SBNO2: variants seen among roughly 807,000 people sequenced by gnomAD.
SBNO2 encodes the protein strawberry notch homolog 2, also known as protein strawberry notch homolog 2.
In SBNO2, 89 loss-of-function variants were observed where a neutral mutation model predicts 146.3. The ratio of observed to expected loss-of-function variants is 0.61; its 90% CI spans 0.51 to 0.73. SBNO2 has a LOEUF of 0.73. Ranked by LOEUF, SBNO2 falls within the 30% of genes least tolerant of loss-of-function variation. The pLI is 0.00. For synonymous variants in SBNO2, 1,147 were observed against 892.6 expected (o/e 1.29, Z -5.08); for missense variants, 2,092 against 2,003.7 (o/e 1.04, Z -0.84).
rs1180192334 is a variant in SBNO2, at chr19:1,167,018, A to C, written c.-127+7154T>G. On this transcript the variant is annotated intron_variant, in intron 1 of 31. Transcript: ENST00000361757. ...GTCCAGCCTTGGTGACAAAAATGTC[A>C]CAAGGACCTGCATCCGAGCCCTGAG... Among the ~76,000 whole-genome samples, 5 of 152,354 alleles carry C rather than the reference A, an allele frequency of 3.3e-5. No homozygotes were observed. The South Asian group carries it at 8.3e-4, about 25-fold the overall frequency.
rs2079750087 is a variant in SBNO2 at position 1,110,903 on chromosome 19, A to C, written c.2885-15T>G. 2.5e-6 allele frequency: 4 copies of C among 1,612,496 alleles called. No individual in the cohort carries two copies. Among genetic ancestry groups the C allele is most frequent in the South Asian group, 1.1e-5 (1 of 91,082 alleles). ...GATGGAACAGTCTGGTAGGGGAGGG[A>C]GCCAAGCCTCAGGCTGCGCTGGGAA... On this transcript the variant is annotated splice_polypyrimidine_tract_variant and intron_variant, in intron 25 of 31. Transcript: ENST00000361757. The surrounding 1 kb of genome is among the most constrained non-coding windows in gnomAD (Gnocchi z 4.9).
intron 1 of SBNO2, among the ~76,000 whole-genome samples, chr19:1,171,843 T>C (rs1056246387): frequency 2.0e-5 from 3 of 152,162 alleles, no homozygotes; most frequent in Non-Finnish European, 2.9e-5. Flanking sequence ...TGACTGCCCA[T>C]GGTCACGCGG....
rs1051565074 is a variant in SBNO2, at chr19:1,140,573, G to T, written c.279+6736C>A. 6.6e-6 allele frequency among the ~76,000 whole-genome samples: 1 copy of T among 152,044 alleles called. No individual in the cohort carries two copies. The highest frequency in any genetic ancestry group is 1.5e-5 in the Non-Finnish European group (1 of 67,950). On this transcript the variant is annotated intron_variant, in intron 4 of 31. Coordinates refer to ENST00000361757, the MANE Select transcript of SBNO2 (RefSeq NM_014963.3). The surrounding 1 kb of genome is among the most constrained non-coding windows in gnomAD (Gnocchi z 4.4). ...GCAGCCCACGGTGGATGCCAGCAGC[G>T]GCATCCTGGCGCAGCGTGAGCCCCA...
Position 1,109,670 on chromosome 19 carries a change from G to A in SBNO2, c.3123+13C>T, listed in dbSNP as rs775188520. ...TGGGCAGAGTGTGAGGGGCTGTGGG[G>A]CTTCCTGCTGACCTTGTAGAAGACC... On this transcript the variant is annotated intron_variant, in intron 27 of 31. Transcript: ENST00000361757. This position sits in a 1 kb window ranked among gnomAD's most constrained non-coding sequence, Gnocchi z 4.2. The A allele has an allele frequency of 6.8e-6, 11 of 1,607,138 alleles. No individual in the cohort carries two copies. In the East Asian group the frequency reaches 2.5e-4, roughly 36 times the overall value.
intron 1 of SBNO2, 40 bp from the exon 2 acceptor site, chr19:1,154,442 G>A (rs1174710519): frequency 7.7e-6 from 3 of 391,882 alleles, no homozygotes; most frequent in Non-Finnish European, 1.3e-5. Flanking sequence ...GTCCAACGGT[G>A]GTGGAGAGTG....
In SBNO2 at chr19:1,123,948, G is replaced by A. The variant is rs774510551; in HGVS notation, c.516C>T (p.Ser172=). The change falls in exon 6 of 32, where the codon AGC becomes AGT. Residue 172 remains serine, a synonymous_variant. Coordinates refer to ENST00000361757, the MANE Select transcript of SBNO2 (RefSeq NM_014963.3). ...LPSHSTPLLV[S]YQEQSVQSQP... ...TCGGCTGGGCCCAGCTCACCTGGTA[G>A]CTGACGAGAAGCGGGGTGCTGTGGG... 2.5e-6 allele frequency: 4 copies of A among 1,611,346 alleles called. No individual in the cohort carries two copies. The African/African-American group carries it at 5.3e-5, about 22-fold the overall frequency.
At chr19:1,131,586 C>G (rs1490497689) in intron 4 of SBNO2, among the ~76,000 whole-genome samples, 1 of 152,204 alleles carries the variant, frequency 6.6e-6, no homozygotes, top group Non-Finnish European at 1.5e-5. Flanking sequence ...CACAGAGCCA[C>G]AGGGATTTGC....
At chr19:1,164,532 G>A (rs1384162936) in intron 1 of SBNO2, among the ~76,000 whole-genome samples, 1 of 130,850 alleles carries the variant, frequency 7.6e-6, no homozygotes, top group Non-Finnish European at 1.7e-5. Context: ...AACAGGAGGA[G>A]GAGGAGGAGG....
chr19:1,115,754 G>A (rs768062054), intron 17 of SBNO2: 20 of 555,392 alleles, frequency 3.6e-5, no homozygotes, highest in Non-Finnish European at 5.5e-5. Context: ...CAGCACCCGC[G>A]TCCGTGTCCC....
chr19:1,154,196 C>A lies in SBNO2; in HGVS notation c.81G>T (p.Pro27=). 1 of 1,245,140 alleles carries A rather than the reference C, an allele frequency of 8.0e-7. No homozygotes were observed. 77.1% of individuals were successfully genotyped at this position (1,245,140 alleles called of 1,614,324 possible). Residue 27 remains proline, a synonymous_variant, in exon 2 of 32, where the codon CCG becomes CCT. Transcript: ENST00000361757. The stretch of plus-strand genomic sequence containing the variant: ...GGGTGGGGCTCACCTGCAGGGGCGG[C>A]GGGCTGTACAGGAGGCTGCCCGCCG... ...PPPAGSLLYS[P]PPLQSAMLHC...
At chr19:1,162,066 C>T in intron 1 of SBNO2, among the ~76,000 whole-genome samples, 1 of 150,684 alleles carries the variant, frequency 6.6e-6, no homozygotes, top group Non-Finnish European at 1.5e-5. Flanking sequence ...GGCCCCGAGG[C>T]TGTGGGGCTC....
intron 1 of SBNO2, among the ~76,000 whole-genome samples, chr19:1,164,632 G>A (rs951466478): frequency 7.3e-6 from 1 of 136,106 alleles, no homozygotes; most frequent in African/African-American, 2.8e-5. Context: ...AACAGGAGGA[G>A]GAGGAGGAGG....
At position 1,111,866 on chromosome 19, in the gene SBNO2, G is replaced by A. The variant is rs896337883; in HGVS notation, c.2700+130C>T. Reference sequence around the variant, plus strand: ...CTTCCCCCCTGGGGGTCCTAGACCCGGCCCTCCTCCAGACCACTGAGCCCC... The same window carrying A: ...CTTCCCCCCTGGGGGTCCTAGACCCAGCCCTCCTCCAGACCACTGAGCCCC... On this transcript the variant is annotated intron_variant, in intron 23 of 31. Coordinates refer to ENST00000361757, the MANE Select transcript of SBNO2 (RefSeq NM_014963.3). The A allele has an allele frequency of 2.8e-5, 25 of 902,526 alleles. No individual in the cohort carries two copies. The African/African-American group carries it at 3.1e-4, about 11-fold the overall frequency. 55.9% of individuals were successfully genotyped at this position (902,526 alleles called of 1,614,324 possible).
chr19:1,111,617 A>C lies in SBNO2; in HGVS notation c.2701-3T>G, dbSNP rs2079761115. On this transcript the variant is annotated splice_region_variant and splice_polypyrimidine_tract_variant and intron_variant, in intron 23 of 31. Transcript: ENST00000361757. ...CAGTGCAGGGCCCGGGTGCCATACT[A>C]GGGGGAGAAGGTGACTCGGGGAGGA... The C allele has an allele frequency of 6.4e-7, 1 of 1,573,976 alleles. No homozygotes were observed.
chr19:1,113,981 C>T (rs2079800336), intron 18 of SBNO2, among the ~76,000 whole-genome samples: 2 of 152,238 alleles, frequency 1.3e-5, no homozygotes, highest in Admixed American at 6.5e-5. Context: ...CAAGCCCCAG[C>T]TCTGCCTCTG....
chr19:1,131,907 T>C (rs1268462858), intron 4 of SBNO2, among the ~76,000 whole-genome samples: 2 of 152,194 alleles, frequency 1.3e-5, no homozygotes, highest in Non-Finnish European at 2.9e-5. Flanking sequence ...TTCCGGCAGA[T>C]TCCCTCTCAC....
At position 1,108,965 on chromosome 19, in the gene SBNO2, G is replaced by T; in HGVS notation, c.3430C>A (p.Arg1144=). The T allele has an allele frequency of 6.5e-7, 1 of 1,531,112 alleles. No homozygotes were observed. Among genetic ancestry groups the T allele is most frequent in the East Asian group, 2.4e-5 (1 of 41,444 alleles). 94.8% of individuals were successfully genotyped at this position (1,531,112 alleles called of 1,614,324 possible). The part of the protein sequence containing the change: ...LTHCSHSAWN[R]HCRLAQEGKD... ...CCCTCCTGCGCCAGCCGGCAGTGCC[G>T]GTTCCTGCGGACGAGACGGGTCGTC... Residue 1144 remains arginine (R), a synonymous_variant, in exon 31 of 32, where the codon CGG becomes AGG. Transcript: ENST00000361757.
At chr19:1,120,657 C>T (rs1168837965) in intron 11 of SBNO2, among the ~76,000 whole-genome samples, 3 of 152,020 alleles carry the variant, frequency 2.0e-5, no homozygotes, top group African/African-American at 4.8e-5. Flanking sequence ...AGGTGTGAGC[C>T]GTGCCCAGCC....
chr19:1,120,605 A>C (rs868799065), intron 11 of SBNO2, among the ~76,000 whole-genome samples: 2 of 152,078 alleles, frequency 1.3e-5, no homozygotes, highest in African/African-American at 4.8e-5. Flanking sequence ...TCCTGACCTC[A>C]AGTGACCTGC....
Sources: gnomAD v4.1 joint callset for allele counts (sites outside exome capture counted in the v4.1 genomes callset) on GRCh38, gnomAD v4.1.1 for gene constraint, Gnocchi (gnomAD v3.1) non-coding constraint, MANE v1.5 for transcripts, NCBI Gene and HGNC (gene_info 2026-07-23, HGNC 2026-07-21) for gene names.